KDM6B: variants seen among roughly 807,000 people sequenced by gnomAD.
KDM6B encodes the protein lysine demethylase 6B, also known as lysine-specific demethylase 6B.
KDM6B carries 22 observed loss-of-function variants against 150.4 expected under a neutral mutation model. The observed-to-expected ratio is 0.15, with a 90% confidence interval of 0.10 to 0.21. The LOEUF (loss-of-function observed/expected upper bound fraction) is 0.21. Ranked by LOEUF, KDM6B falls within the 10% of genes least tolerant of loss-of-function variation. The pLI, the probability that KDM6B is intolerant of heterozygous loss-of-function variation, is 1.00. For missense variants in KDM6B, 1,984 were observed against 2,234.3 expected (o/e 0.89, Z 2.26); for synonymous variants, 1,148 against 921.1 (o/e 1.25, Z -4.46).
At chr17:7,846,371 G>GGGGCGGGCCCGGGGCCCCCC in intron 7 of KDM6B, 29 bp from the exon 8 acceptor site, 1 of 1,488,920 alleles carries the variant, frequency 6.7e-7, no homozygotes, top group Non-Finnish European at 9.2e-7. Flanking sequence ...CCTGACATCT[G>GGGGCGGGCCCGGGGCCCCCC]CCCCTGCCCC....
intron 14 of KDM6B, among the ~76,000 whole-genome samples, 188 bp downstream of exon 14, chr17:7,850,365 C>T (rs2078666585): frequency 6.6e-6 from 1 of 152,122 alleles, no homozygotes; most frequent in Non-Finnish European, 1.5e-5. Flanking sequence ...GAGAAGGGGC[C>T]ATAGTCAGGG....
rs2151380909 is a variant in KDM6B, at chr17:7,854,170, C to G, written c.*649C>G. On this transcript the variant is annotated 3_prime_UTR_variant, in exon 24 of 24. Transcript: ENST00000448097. ...GCCATCCTGCCCGCCCCTCCAGGGA[C>G]CGCCCGTCGCCGGGCTCTCCCCGCG... 1 of 152,632 alleles carries G rather than the reference C, an allele frequency of 6.6e-6. No homozygotes were observed. Among genetic ancestry groups the G allele is most frequent in the East Asian group, 1.9e-4 (1 of 5,162 alleles). The allele number at this position is 152,632 out of a possible 1,614,324, so 9.5% of individuals were successfully genotyped here. A position where few individuals can be genotyped will look rare whatever the true frequency, so the allele number is the denominator to read the frequency against.
At position 7,847,360 on chromosome 17, in the gene KDM6B, C is replaced by T. The variant is rs532387201; in HGVS notation, c.1165C>T (p.Arg389Trp). ...CGCCTGCGTGCCTTACGCCCCTTCC[C>T]GGCCCCCTGGCCTCCCCGGCACCAC... ...TTACVPYAPS[R>W]PPGLPGTTTS... Residue 389 changes from arginine to tryptophan, a missense_variant, in exon 11 of 24, where the codon CGG becomes TGG. Coordinates refer to ENST00000448097, the MANE Select transcript of KDM6B (RefSeq NM_001348716.2). The T allele has an allele frequency of 1.3e-5, 21 of 1,612,568 alleles. No individual in the cohort carries two copies. The highest frequency in any genetic ancestry group is 4.0e-5 in the African/African-American group (3 of 75,032).
Position 7,853,877 on chromosome 17 carries a change from C to A in KDM6B, c.*356C>A. ...TCACCCTGCCAGCCGCCCGCCCGCC[C>A]GGCGCAGATGCACGCGGCTCGTGTA... On this transcript the variant is annotated 3_prime_UTR_variant, in exon 24 of 24. Coordinates refer to ENST00000448097, the MANE Select transcript of KDM6B (RefSeq NM_001348716.2). The A allele has an allele frequency of 5.2e-6, 1 of 190,900 alleles. No individual in the cohort carries two copies. The highest frequency in any genetic ancestry group is 1.1e-5 in the Non-Finnish European group (1 of 94,036). 11.8% of individuals were successfully genotyped at this position (190,900 alleles called of 1,614,324 possible).
Position 7,853,807 on chromosome 17 carries a change from C to A in KDM6B, c.*286C>A, listed in dbSNP as rs2078754751. On this transcript the variant is annotated 3_prime_UTR_variant, in exon 24 of 24. Transcript: ENST00000448097. The stretch of plus-strand genomic sequence containing the variant: ...ACTTTGGCCTTTTTAGCAACAGACA[C>A]AAGGACCAGGCTCCGGCGGCGGCGG... 7.8e-6 allele frequency: 2 copies of A among 257,740 alleles called. No individual in the cohort carries two copies. Among genetic ancestry groups the A allele is most frequent in the Non-Finnish European group, 1.5e-5 (2 of 137,314 alleles). 16.0% of individuals were successfully genotyped at this position (257,740 alleles called of 1,614,324 possible).
Position 7,849,256 on chromosome 17 carries a change from TGTAAGGACAGTGTGGGTCGTCGGCCCC to T in KDM6B, c.2971_2997del (p.Lys991_Arg999del). 1 of 1,560,322 alleles carries T rather than the reference TGTAAGGACAGTGTGGGTCGTCGGCCCC, an allele frequency of 6.4e-7. No homozygotes were observed. The highest frequency in any genetic ancestry group is 1.2e-5 in the South Asian group (1 of 86,332). ...GGAGCATCGGCGGCACAGGCGGGCC[TGTAAGGACAGTGTGGGTCGTCGGCCCC>T]GTGAGGGCAGGGCAAAGGCCAAGGC... On this transcript the variant is annotated inframe_deletion, in exon 12 of 24. Coordinates refer to ENST00000448097, the MANE Select transcript of KDM6B (RefSeq NM_001348716.2).
intron 21 of KDM6B, 32 bp downstream of exon 21, chr17:7,852,668 C>T (rs2078721894): frequency 6.2e-7 from 1 of 1,613,432 alleles, no homozygotes; most frequent in African/African-American, 1.3e-5. Context: ...GAGCCCACCT[C>T]CACTGACTGG....
chr17:7,843,951 A>G lies in KDM6B; in HGVS notation c.-268-950A>G, dbSNP rs1214912778. On this transcript the variant is annotated intron_variant, in intron 2 of 23. Coordinates refer to ENST00000448097, the MANE Select transcript of KDM6B (RefSeq NM_001348716.2). The surrounding 1 kb of genome is among the most constrained non-coding windows in gnomAD (Gnocchi z 4.5). ...AAGCGAAAGGGTGGGGGGGGCGTGA[A>G]GGAGGAAGTGAAACGAGTTCTGGGT... Among the ~76,000 whole-genome samples, 2 of 151,804 alleles carry G rather than the reference A, an allele frequency of 1.3e-5. No homozygotes were observed. The highest frequency in any genetic ancestry group is 2.9e-5 in the Non-Finnish European group (2 of 67,936).
At chr17:7,846,371 G>GGGCCGGGCCCGGGGGGCCCCCC in intron 7 of KDM6B, 29 bp from the exon 8 acceptor site, 1 of 1,488,926 alleles carries the variant, frequency 6.7e-7, no homozygotes, top group Non-Finnish European at 9.2e-7. Context: ...CCTGACATCT[G>GGGCCGGGCCCGGGGGGCCCCCC]CCCCTGCCCC....
chr17:7,850,003 T>G, intron 13 of KDM6B, 56 bp downstream of exon 13: 1 of 1,613,494 alleles, frequency 6.2e-7, no homozygotes, highest in Non-Finnish European at 8.5e-7. Flanking sequence ...TAAGACAGTG[T>G]TGGGGACTGC....
At chr17:7,839,689 A>G (rs1439278357) in intron 1 of KDM6B, among the ~76,000 whole-genome samples, 1 of 152,136 alleles carries the variant, frequency 6.6e-6, no homozygotes, top group Non-Finnish European at 1.5e-5. Context: ...CTCAGATGCC[A>G]TATCATGGCC....
At chr17:7,846,371 G>GGGGGGGGGCCCGGGGCCCCCCCCC in intron 7 of KDM6B, 29 bp from the exon 8 acceptor site, 1 of 1,488,920 alleles carries the variant, frequency 6.7e-7, no homozygotes, top group Non-Finnish European at 9.2e-7. Flanking sequence ...CCTGACATCT[G>GGGGGGGGGCCCGGGGCCCCCCCCC]CCCCTGCCCC....
At position 7,853,340 on chromosome 17, in the gene KDM6B, G is replaced by A. The variant is rs1378460812; in HGVS notation, c.4868G>A (p.Arg1623His). Reference sequence around the variant, plus strand: ...GGCGTGGTGGTGCTGGAGCAGTACCGCACTGAGGAGCTGGCTCAGGCCTAC... The same window carrying A: ...GGCGTGGTGGTGCTGGAGCAGTACCACACTGAGGAGCTGGCTCAGGCCTAC... ...LQGVVVLEQY[R>H]TEELAQAYDA... The change falls in exon 23 of 24, where the codon CGC becomes CAC. Residue 1623 changes from arginine to histidine, a missense_variant. Physicochemically the swap from Arg to His is conservative, Grantham distance 29. This residue lies in a region of KDM6B where 58 missense variants were observed against 76.4 expected (regional missense o/e 0.76). Transcript: ENST00000448097. The A allele has an allele frequency of 1.3e-6, 2 of 1,575,704 alleles. No homozygotes were observed. The highest frequency in any genetic ancestry group is 8.6e-7 in the Non-Finnish European group (1 of 1,163,276).
At chr17:7,851,918 G>C (rs750842484) in intron 18 of KDM6B, 33 bp from the exon 19 acceptor site, 2 of 1,609,794 alleles carry the variant, frequency 1.2e-6, no homozygotes, top group East Asian at 2.2e-5. Flanking sequence ...TTCCGACCTG[G>C]CCAGCCATGC....
At chr17:7,846,372 C>CGGG in intron 7 of KDM6B, 28 bp from the exon 8 acceptor site, 2 of 510,138 alleles carry the variant, frequency 3.9e-6, no homozygotes, top group Non-Finnish European at 7.7e-6. Context: ...CTGACATCTG[C>CGGG]CCCTGCCCCG....
Position 7,853,507 on chromosome 17 carries a change from A to G in KDM6B, c.4918A>G (p.Ser1640Gly). 6.6e-7 allele frequency: 1 copy of G among 1,506,742 alleles called. No homozygotes were observed. Among genetic ancestry groups the G allele is most frequent in the Non-Finnish European group, 8.8e-7 (1 of 1,134,784 alleles). The allele number at this position is 1,506,742 out of a possible 1,614,324, so 93.3% of individuals were successfully genotyped here. A position where few individuals can be genotyped will look rare whatever the true frequency, so the allele number is the denominator to read the frequency against. ...GGCTTTCTCCCCCCAGGCCCCAGCCAGCACGTCGCGATGAGGCCGGACGCC... is the reference window on the plus strand; with the variant it reads ...GGCTTTCTCCCCCCAGGCCCCAGCCGGCACGTCGCGATGAGGCCGGACGCC... ...AYDAFTLAPA[S>G]TSR is the part of the protein sequence containing the mutation. The change falls in exon 24 of 24, where the codon AGC becomes GGC. Residue 1640 changes from serine (S) to glycine (G), a missense_variant. This residue lies in a region of KDM6B where 58 missense variants were observed against 76.4 expected (regional missense o/e 0.76). Transcript: ENST00000448097.
Position 7,854,046 on chromosome 17 carries a change from T to A in KDM6B, c.*525T>A, listed in dbSNP as rs2078760356. On this transcript the variant is annotated 3_prime_UTR_variant, in exon 24 of 24. Coordinates refer to ENST00000448097, the MANE Select transcript of KDM6B (RefSeq NM_001348716.2). Reference sequence around the variant, plus strand: ...TTTATTCACTTGGTTATGATTTGTATTTTTTGTTCTTTTCTTGTTTTTTTG... The same window carrying A: ...TTTATTCACTTGGTTATGATTTGTAATTTTTGTTCTTTTCTTGTTTTTTTG... 6.6e-6 allele frequency: 1 copy of A among 152,658 alleles called. No homozygotes were observed. The highest frequency in any genetic ancestry group is 1.5e-5 in the Non-Finnish European group (1 of 68,142). 9.5% of individuals were successfully genotyped at this position (152,658 alleles called of 1,614,324 possible). A position where few individuals can be genotyped will look rare whatever the true frequency, so the allele number is the denominator to read the frequency against.
rs1367337255 is a variant in KDM6B, at chr17:7,847,669, C to G, written c.1381C>G (p.Leu461Val). Residue 461 changes from leucine to valine, a missense_variant, in exon 12 of 24, where the codon CTG (leucine) becomes GTG (valine). By Grantham distance (32) the Leu-to-Val change is conservative. Transcript: ENST00000448097. The part of the protein sequence containing the change: ...GAPAATPHLS[L>V]PPGPSSPPPP... ...TCCCGCTGCCACTCCCCACCTATCC[C>G]TGCCACCTGGACCTTCCTCACCCCC... The G allele has an allele frequency of 6.2e-7, 1 of 1,605,310 alleles. No individual in the cohort carries two copies. Among genetic ancestry groups the G allele is most frequent in the Non-Finnish European group, 8.5e-7 (1 of 1,176,436 alleles).
At position 7,847,606 on chromosome 17, in the gene KDM6B, C is replaced by G; in HGVS notation, c.1318C>G (p.Pro440Ala). 6.2e-7 allele frequency: 1 copy of G among 1,612,534 alleles called. No homozygotes were observed. Among genetic ancestry groups the G allele is most frequent in the Non-Finnish European group, 8.5e-7 (1 of 1,179,714 alleles). ...LEVSHHGRLGPSAHSSRKPFL... is the reference protein window; with the variant it reads ...LEVSHHGRLGASAHSSRKPFL... ...GGTCTCTCACCATGGCCGCCTGGGG[C>G]CCTCGGCACACAGCAGTCGGAAACC... Residue 440 changes from proline (P) to alanine (A), a missense_variant, in exon 12 of 24, where the codon CCC becomes GCC. Around this residue, in one of 13 missense-constraint regions of KDM6B, gnomAD observed 1,379 missense variants for 1,275.6 expected, o/e 1.08. Coordinates refer to ENST00000448097, the MANE Select transcript of KDM6B (RefSeq NM_001348716.2).
Sources: allele counts gnomAD v4.1 joint callset (sites outside exome capture counted in the v4.1 genomes callset), GRCh38; gene constraint gnomAD v4.1.1; regional missense constraint gnomAD v4.1.1; non-coding constraint Gnocchi (gnomAD v3.1); transcripts MANE v1.5; gene names NCBI Gene and HGNC (gene_info 2026-07-23, HGNC 2026-07-21).